The following HMG20A variants were observed in gnomAD, a reference collection of about 807,000 sequenced individuals.
HMG20A encodes high mobility group 20A, also known as high mobility group protein 20A.
In HMG20A, 17 loss-of-function variants were observed where a neutral mutation model predicts 43.9. The ratio of observed to expected loss-of-function variants is 0.39; its 90% CI spans 0.27 to 0.58. The LOEUF (loss-of-function observed/expected upper bound fraction) is 0.58. Among genes scored for constraint, HMG20A ranks in the 20% least tolerant of loss-of-function variants. The probability of loss-of-function intolerance (pLI) is 0.59; values close to 1 mark genes in which losing one functional copy is unlikely to be tolerated. For missense variants in HMG20A, 341 were observed against 438.2 expected (o/e 0.78, Z 1.98); for synonymous variants, 132 against 147.5 (o/e 0.89, Z 0.76).
At chr15:77,439,528 A>T (rs891450977) in intron 1 of HMG20A, among the ~76,000 whole-genome samples, 3 of 152,120 alleles carry the variant, frequency 2.0e-5, no homozygotes, top group African/African-American at 4.8e-5. Flanking sequence ...TTGGCTCATC[A>T]TTATATCTAT....
chr15:77,476,159 C>T (rs2072852908), intron 6 of HMG20A, among the ~76,000 whole-genome samples: 1 of 152,008 alleles, frequency 6.6e-6, no homozygotes, highest in Non-Finnish European at 1.5e-5. Context: ...CTACTGGGCA[C>T]CAAGTCATTT....
chr15:77,514,588 A>G, the HMG20A span, among the ~76,000 whole-genome samples: 3 of 152,264 alleles, frequency 2.0e-5, no homozygotes, highest in African/African-American at 7.2e-5. Context: ...ATGAACTGAA[A>G]TAAGGTTAGT....
chr15:77,511,281 A>G, the HMG20A span, among the ~76,000 whole-genome samples: 2 of 152,144 alleles, frequency 1.3e-5, no homozygotes, highest in Non-Finnish European at 2.9e-5. Context: ...ATGTGTATAC[A>G]CACACACAAA....
At chr15:77,493,274 G>A in the HMG20A span, among the ~76,000 whole-genome samples, 9 of 152,258 alleles carry the variant, frequency 5.9e-5, no homozygotes, top group Admixed American at 2.6e-4. Flanking sequence ...TGGGGTCAAG[G>A]AAGGCCCCTT....
the HMG20A span, among the ~76,000 whole-genome samples, chr15:77,498,865 G>A: frequency 6.6e-6 from 1 of 152,098 alleles, no homozygotes; most frequent in African/African-American, 2.4e-5. Flanking sequence ...AAAACCTTGG[G>A]GATTTGAATA....
At chr15:77,508,295 C>T in the HMG20A span, among the ~76,000 whole-genome samples, 1 of 152,240 alleles carries the variant, frequency 6.6e-6, no homozygotes, top group Admixed American at 6.5e-5. Context: ...TATGGCTGCT[C>T]GGGTTCTGCT....
chr15:77,429,953 A>T (rs1004300982), intron 1 of HMG20A, among the ~76,000 whole-genome samples: 1 of 152,214 alleles, frequency 6.6e-6, no homozygotes, highest in South Asian at 2.1e-4. Flanking sequence ...TACTTGTGTC[A>T]GGAACAATAC....
chr15:77,458,603 G>A (rs2072678333), intron 2 of HMG20A, 107 bp downstream of exon 2: 6 of 649,912 alleles, frequency 9.2e-6, no homozygotes, highest in Middle Eastern at 2.7e-4. Flanking sequence ...AGAATAGACG[G>A]TGCACTTGTT....
At position 77,478,276 on chromosome 15, in the gene HMG20A, G is replaced by GT; in HGVS notation, c.692-18dup. The GT allele has an allele frequency of 6.2e-7, 1 of 1,612,254 alleles. No homozygotes were observed. The highest frequency in any genetic ancestry group is 8.5e-7 in the Non-Finnish European group (1 of 1,179,612). ...CTCCTTCTAGTGCTGCATGTGTTCT[G>GT]TGGGATGTATGTCCTCAGCTCGGGA... On this transcript the variant is annotated intron_variant, in intron 7 of 9. Coordinates refer to ENST00000336216, the MANE Select transcript of HMG20A (RefSeq NM_001304504.2).
In HMG20A at chr15:77,471,791, C is replaced by T. The variant is rs759380991; in HGVS notation, c.592C>T (p.Arg198Trp). The T allele has an allele frequency of 3.1e-5, 48 of 1,572,396 alleles. No homozygotes were observed. The highest frequency in any genetic ancestry group is 7.9e-5 in the South Asian group (7 of 88,480). Reference protein sequence around the residue: ...KGKSHRQDAARQATHDHEKET... With the variant: ...KGKSHRQDAAWQATHDHEKET... ...TTCTTTTATATTTTTAGATGCAGCCCGGCAGGCCACTCATGATCATGAGGT... is the reference window on the plus strand; with the variant it reads ...TTCTTTTATATTTTTAGATGCAGCCTGGCAGGCCACTCATGATCATGAGGT... The change falls in exon 6 of 10, where the codon CGG becomes TGG. Residue 198 changes from arginine to tryptophan, a missense_variant. By Grantham distance (101) the Arg-to-Trp change is moderately radical (BLOSUM62 -3). This residue lies in a region of HMG20A where 220 missense variants were observed against 263.6 expected (regional missense o/e 0.83). Transcript: ENST00000336216.
At position 77,420,898 on chromosome 15, in the gene HMG20A, C is replaced by G. The variant is rs2073304993; in HGVS notation, c.-111C>G. The G allele has an allele frequency of 1.0e-5, 4 of 398,776 alleles. No individual in the cohort carries two copies. Among genetic ancestry groups the G allele is most frequent in the Non-Finnish European group, 1.8e-5 (4 of 226,168 alleles). The allele number at this position is 398,776 out of a possible 1,614,324, so 24.7% of individuals were successfully genotyped here. On this transcript the variant is annotated 5_prime_UTR_variant, in exon 1 of 10. Coordinates refer to ENST00000336216, the MANE Select transcript of HMG20A (RefSeq NM_001304504.2). ...GAAGAATTTTTGTCCAGCTGTGAGA[C>G]GACGAGTGCGTGAAGTGAAGGCGAT...
At chr15:77,474,054 G>C (rs993439631) in intron 6 of HMG20A, among the ~76,000 whole-genome samples, 1 of 152,168 alleles carries the variant, frequency 6.6e-6, no homozygotes, top group African/African-American at 2.4e-5. Context: ...CTGTTACCCA[G>C]TAATTTTCTT....
chr15:77,490,845 C>T, the HMG20A span, among the ~76,000 whole-genome samples: 1 of 152,130 alleles, frequency 6.6e-6, no homozygotes, highest in Non-Finnish European at 1.5e-5. Flanking sequence ...ACACACATCT[C>T]CCTGCTATCA....
At chr15:77,450,231 G>T (rs373700631) in intron 1 of HMG20A, among the ~76,000 whole-genome samples, 1 of 152,008 alleles carries the variant, frequency 6.6e-6, no homozygotes. Flanking sequence ...CAGGGTTCGC[G>T]CCATTCTCCT....
At chr15:77,474,722 G>C (rs1243208522) in intron 6 of HMG20A, among the ~76,000 whole-genome samples, 1 of 152,168 alleles carries the variant, frequency 6.6e-6, no homozygotes, top group East Asian at 1.9e-4. Context: ...AAGAAATGCT[G>C]ACCTGAAAGC....
At chr15:77,510,546 AGCCTGACCTCCTGGGGTAG>A in the HMG20A span, among the ~76,000 whole-genome samples, 12 of 152,326 alleles carry the variant, frequency 7.9e-5, no homozygotes, top group Admixed American at 7.2e-4. Flanking sequence ...TCCAGTTTCC[AGCCTGACCTCCTGGGGTAG>A]GCCTTGCCAG....
chr15:77,431,180 G>T (rs768244600), intron 1 of HMG20A, among the ~76,000 whole-genome samples: 1 of 151,922 alleles, frequency 6.6e-6, no homozygotes, highest in Non-Finnish European at 1.5e-5. Context: ...TTGTTTTTTT[G>T]CTTTTACCTA....
At chr15:77,454,910 C>G (rs2072640048) in intron 1 of HMG20A, among the ~76,000 whole-genome samples, 1 of 151,752 alleles carries the variant, frequency 6.6e-6, no homozygotes, top group Non-Finnish European at 1.5e-5. Context: ...TTAAAGGAAC[C>G]AAGGGTTTTG....
intron 1 of HMG20A, among the ~76,000 whole-genome samples, chr15:77,449,718 CCT>C (rs1396776211): frequency 1.3e-5 from 2 of 151,662 alleles, no homozygotes; most frequent in East Asian, 3.9e-4. Context: ...CTATATATTC[CCT>C]GTCCCCCCAC....
Sources: allele counts gnomAD v4.1 joint callset (sites outside exome capture counted in the v4.1 genomes callset), GRCh38; gene constraint gnomAD v4.1.1; regional missense constraint gnomAD v4.1.1; transcripts MANE v1.5; gene names NCBI Gene and HGNC (gene_info 2026-07-23, HGNC 2026-07-21).